ZBTB11: variants seen among roughly 807,000 people sequenced by gnomAD.
The protein encoded by ZBTB11 is zinc finger and BTB domain containing 11.
In ZBTB11, 68 loss-of-function variants were observed where a neutral mutation model predicts 113.1. The observed-to-expected ratio is 0.60, with a 90% CI of 0.49 to 0.74. ZBTB11 has a LOEUF of 0.74. ZBTB11 is among the 30% of genes least tolerant of loss of function. The probability of loss-of-function intolerance (pLI) is 0.00; values close to 1 mark genes in which losing one functional copy is unlikely to be tolerated. For synonymous variants in ZBTB11, 518 were observed against 452.6 expected, an observed-to-expected ratio of 1.14 and a Z score of -1.83; for missense variants, 1,104 against 1,279.4, an observed-to-expected ratio of 0.86 and a Z score of 2.09.
intron 8 of ZBTB11, among the ~76,000 whole-genome samples, 155 bp downstream of exon 8, chr3:101,654,549 G>A (rs543467552): frequency 1.1e-3 from 171 of 152,148 alleles, no homozygotes; most frequent in Admixed American, 3.5e-3. Flanking sequence ...ACATCTCGAA[G>A]ATGTTAAAAA....
At chr3:101,670,963 C>G in intron 3 of ZBTB11, 167 bp downstream of exon 3, 3 of 585,178 alleles carry the variant, frequency 5.1e-6, no homozygotes, top group Non-Finnish European at 9.2e-6. Context: ...TTCCATAACT[C>G]TACCACAGAA....
chr3:101,655,065 G>C (rs1936772275), intron 7 of ZBTB11, among the ~76,000 whole-genome samples: 1 of 152,104 alleles, frequency 6.6e-6, no homozygotes. Flanking sequence ...TTTTAGTAGA[G>C]ACGGGTTTCA....
Position 101,650,896 on chromosome 3 carries a change from T to C in ZBTB11, c.*270A>G, listed in dbSNP as rs1386599663. 2 of 267,764 alleles carry C rather than the reference T, an allele frequency of 7.5e-6. No individual in the cohort carries two copies. Among genetic ancestry groups the C allele is most frequent in the Admixed American group, 9.7e-5 (2 of 20,694 alleles). 16.6% of individuals were successfully genotyped at this position (267,764 alleles called of 1,614,324 possible). On this transcript the variant is annotated 3_prime_UTR_variant, in exon 11 of 11. Transcript: ENST00000312938. Reference sequence around the variant, plus strand: ...TTTATAAACATTAATTCATAAAAGGTATATCATGATAAACCACTGCCATCA... The same window carrying C: ...TTTATAAACATTAATTCATAAAAGGCATATCATGATAAACCACTGCCATCA...
At position 101,649,080 on chromosome 3, in the gene ZBTB11, C is replaced by T. The variant is rs970975437; in HGVS notation, c.*2086G>A. On this transcript the variant is annotated 3_prime_UTR_variant, in exon 11 of 11. Coordinates refer to ENST00000312938, the MANE Select transcript of ZBTB11 (RefSeq NM_014415.4). ...CGTTTAGATGCTCCTCTCTTCTCTC[C>T]TCTGCCGCAACACTCTTCTGCTCAT... 14 of 152,306 alleles carry T rather than the reference C, an allele frequency of 9.2e-5. No homozygotes were observed. Among genetic ancestry groups the T allele is most frequent in the African/African-American group, 3.4e-4 (14 of 41,440 alleles). The allele number at this position is 152,306 out of a possible 1,614,324, so 9.4% of individuals were successfully genotyped here.
At chr3:101,676,398 G>A in intron 1 of ZBTB11, 1 of 516,554 alleles carries the variant, frequency 1.9e-6, no homozygotes, top group Non-Finnish European at 3.2e-6. Flanking sequence ...CCAGGGCCAG[G>A]GCCCGCCCCC....
At chr3:101,656,055 CATT>C (rs763801441) in intron 7 of ZBTB11, 46 bp downstream of exon 7, 3 of 1,319,906 alleles carry the variant, frequency 2.3e-6, no homozygotes, top group Admixed American at 2.7e-5. Context: ...AAAGCATAAT[CATT>C]AATAGTTTAT....
intron 7 of ZBTB11, 77 bp downstream of exon 7, chr3:101,656,027 A>G (rs1162382455): frequency 2.7e-6 from 3 of 1,132,006 alleles, no homozygotes; most frequent in African/African-American, 1.6e-5. Flanking sequence ...GTTTATCAAT[A>G]TAATTTCTGG....
rs1268623409 is a variant in ZBTB11, at chr3:101,664,650, T to G, written c.1688A>C (p.Asn563Thr). 3.1e-6 allele frequency: 5 copies of G among 1,613,724 alleles called. No individual in the cohort carries two copies. In the Admixed American group the frequency reaches 5.0e-5, roughly 16 times the overall value. The change falls in exon 5 of 11, where the codon AAC becomes ACC. Residue 563 changes from asparagine to threonine, a missense_variant. Transcript: ENST00000312938. Reference protein sequence around the residue: ...MKQPKRDAKENTEEASHKCGE... With the variant: ...MKQPKRDAKETTEEASHKCGE... Reference sequence around the variant, plus strand: ...ACATTTATGAGATGCTTCTTCTGTGTTCTCTTTAGCATCTCTTTTTGGCTG... The same window carrying G: ...ACATTTATGAGATGCTTCTTCTGTGGTCTCTTTAGCATCTCTTTTTGGCTG...
chr3:101,673,992 T>A (rs540085475), intron 1 of ZBTB11, among the ~76,000 whole-genome samples: 24 of 152,046 alleles, frequency 1.6e-4, no homozygotes, highest in Admixed American at 3.3e-4. Flanking sequence ...AAGAAACCTG[T>A]TTAACCTAGG....
In ZBTB11 at chr3:101,665,689, CT is replaced by C; in HGVS notation, c.897del (p.Val300SerfsTer2). 6.2e-7 allele frequency: 1 copy of C among 1,614,170 alleles called. No homozygotes were observed. The highest frequency in any genetic ancestry group is 1.3e-5 in the African/African-American group (1 of 75,044). On this transcript the variant is annotated frameshift_variant, in exon 4 of 11. Transcript: ENST00000312938. LOFTEE classifies it high-confidence loss of function. ...AILARHLFMSEVLEICESVHK... is the reference protein window; with the variant it reads ...AILARHLFMSXVLEICESVHK... Reference sequence around the variant, plus strand: ...TGTACACTTTCACAAATCTCTAAGACTTCTGACATGAAAAGATGACGAGCTA... The same window carrying C: ...TGTACACTTTCACAAATCTCTAAGACTCTGACATGAAAAGATGACGAGCTA...
In ZBTB11 at chr3:101,664,651, T is replaced by G; in HGVS notation, c.1687A>C (p.Asn563His). ...CATTTATGAGATGCTTCTTCTGTGTTCTCTTTAGCATCTCTTTTTGGCTGT... is the reference window on the plus strand; with the variant it reads ...CATTTATGAGATGCTTCTTCTGTGTGCTCTTTAGCATCTCTTTTTGGCTGT... Reference protein sequence around the residue: ...MKQPKRDAKENTEEASHKCGE... With the variant: ...MKQPKRDAKEHTEEASHKCGE... Residue 563 changes from asparagine to histidine, a missense_variant, in exon 5 of 11, where the codon AAC becomes CAC. This residue lies in a region of ZBTB11 where 535 missense variants were observed against 518.6 expected (regional missense o/e 1.03). Coordinates refer to ENST00000312938, the MANE Select transcript of ZBTB11 (RefSeq NM_014415.4). 1 of 1,613,832 alleles carries G rather than the reference T, an allele frequency of 6.2e-7. No individual in the cohort carries two copies. The highest frequency in any genetic ancestry group is 8.5e-7 in the Non-Finnish European group (1 of 1,179,942).
At chr3:101,671,489 A>G in intron 2 of ZBTB11, 128 bp from the exon 3 acceptor site, 1 of 688,366 alleles carries the variant, frequency 1.5e-6, no homozygotes, top group South Asian at 1.9e-5. Context: ...TTTCTTTGTT[A>G]CCTATGTATT....
chr3:101,653,173 G>A (rs1422688433), intron 8 of ZBTB11, among the ~76,000 whole-genome samples: 2 of 152,118 alleles, frequency 1.3e-5, no homozygotes, highest in African/African-American at 2.4e-5. Flanking sequence ...TTATTACAGA[G>A]GAAATTTACT....
At chr3:101,664,383 T>G (rs967711773) in intron 5 of ZBTB11, among the ~76,000 whole-genome samples, 155 bp downstream of exon 5, 3 of 152,222 alleles carry the variant, frequency 2.0e-5, no homozygotes, top group Non-Finnish European at 4.4e-5. Context: ...TGAATATTTT[T>G]GGGAGGCAAG....
chr3:101,668,578 C>T (rs1276935169), intron 3 of ZBTB11, among the ~76,000 whole-genome samples: 2 of 148,854 alleles, frequency 1.3e-5, no homozygotes, highest in South Asian at 4.2e-4. Flanking sequence ...CCTATGACTG[C>T]ACCACTGCAC....
At chr3:101,663,559 G>A (rs1484254485) in intron 5 of ZBTB11, among the ~76,000 whole-genome samples, 1 of 152,122 alleles carries the variant, frequency 6.6e-6, no homozygotes, top group Admixed American at 6.6e-5. Flanking sequence ...TCTCTGAGAT[G>A]GTGGGGTCTA....
At chr3:101,668,889 G>T (rs931065352) in intron 3 of ZBTB11, among the ~76,000 whole-genome samples, 1 of 146,120 alleles carries the variant, frequency 6.8e-6, no homozygotes, top group Non-Finnish European at 1.5e-5. Flanking sequence ...GGCAAATTTT[G>T]TTTTTTTTTT....
chr3:101,654,136 G>A (rs945039802), intron 8 of ZBTB11, among the ~76,000 whole-genome samples: 4 of 152,034 alleles, frequency 2.6e-5, no homozygotes, highest in African/African-American at 9.7e-5. Flanking sequence ...CACCTCCAGG[G>A]TTCAAGTGAT....
At chr3:101,653,393 C>A (rs992993755) in intron 8 of ZBTB11, among the ~76,000 whole-genome samples, 2 of 152,118 alleles carry the variant, frequency 1.3e-5, no homozygotes, top group Non-Finnish European at 2.9e-5. Context: ...ACTCTCAGGG[C>A]TTTGATGGAA....
Sources: allele counts gnomAD v4.1 joint callset (sites outside exome capture counted in the v4.1 genomes callset), GRCh38; gene constraint gnomAD v4.1.1; regional missense constraint gnomAD v4.1.1; transcripts MANE v1.5; gene names NCBI Gene and HGNC (gene_info 2026-07-23, HGNC 2026-07-21).